SLC14A2: variants seen among roughly 807,000 people sequenced by gnomAD.
SLC14A2 encodes solute carrier family 14 member 2.
SLC14A2 carries 91 observed loss-of-function variants against 104.6 expected under a neutral mutation model. That is an observed-to-expected ratio of 0.87 (90% CI 0.73 to 1.04). The LOEUF (loss-of-function observed/expected upper bound fraction) is 1.04. Among genes scored for constraint, SLC14A2 ranks in the 50% least tolerant of loss-of-function variants. The pLI is 0.00. For missense variants in SLC14A2, 1,189 were observed against 1,156.0 expected (o/e 1.03, Z -0.41); for synonymous variants, 476 against 466.4 (o/e 1.02, Z -0.27).
intron 1 of SLC14A2, among the ~76,000 whole-genome samples, chr18:45,368,556 C>T (rs901207369): frequency 1.3e-5 from 2 of 152,150 alleles, no homozygotes; most frequent in African/African-American, 4.8e-5. Context: ...ATGTCGTTTC[C>T]CTTGTTAAGC....
intron 1 of SLC14A2, among the ~76,000 whole-genome samples, chr18:45,374,138 G>A (rs1379442734): frequency 6.6e-6 from 1 of 152,100 alleles, no homozygotes; most frequent in African/African-American, 2.4e-5. Context: ...ACCTTCACCT[G>A]GCTATTTATA....
chr18:45,329,892 T>C (rs774722655), intron 1 of SLC14A2, among the ~76,000 whole-genome samples: 1 of 152,196 alleles, frequency 6.6e-6, no homozygotes, highest in African/African-American at 2.4e-5. Flanking sequence ...CATCATGGTT[T>C]GTAATATAAT....
chr18:45,223,007 C>T (rs770578206), intron 1 of SLC14A2, among the ~76,000 whole-genome samples: 37 of 152,168 alleles, frequency 2.4e-4, no homozygotes, highest in Non-Finnish European at 4.6e-4. Context: ...TGAGGGCTGC[C>T]ATCTTGACCT....
chr18:45,363,107 A>G (rs1263001322), intron 1 of SLC14A2, among the ~76,000 whole-genome samples: 4 of 151,864 alleles, frequency 2.6e-5, no homozygotes, highest in South Asian at 4.2e-4. Flanking sequence ...TATTTCCCAA[A>G]CCCCATTTCA....
intron 1 of SLC14A2, among the ~76,000 whole-genome samples, chr18:45,300,177 T>C (rs1299799576): frequency 6.6e-6 from 1 of 152,166 alleles, no homozygotes; most frequent in African/African-American, 2.4e-5. Flanking sequence ...CTGTTCTTCA[T>C]CACAGTTATC....
chr18:45,498,518 A>C (rs1420948218), intron 2 of SLC14A2, among the ~76,000 whole-genome samples: 1 of 152,236 alleles, frequency 6.6e-6, no homozygotes, highest in African/African-American at 2.4e-5. Context: ...GTTCTACGGT[A>C]GATGAAATTG....
intron 2 of SLC14A2, among the ~76,000 whole-genome samples, chr18:45,556,879 A>G (rs963818678): frequency 3.3e-5 from 5 of 152,166 alleles, no homozygotes; most frequent in Non-Finnish European, 7.4e-5. Context: ...CCACTCTTAC[A>G]CTGTTATTGC....
intron 2 of SLC14A2, among the ~76,000 whole-genome samples, chr18:45,510,985 G>A (rs944554600): frequency 2.0e-5 from 3 of 152,158 alleles, no homozygotes; most frequent in African/African-American, 7.2e-5. Context: ...GAAAATCCAA[G>A]AGAGTCCTCT....
intron 1 of SLC14A2, among the ~76,000 whole-genome samples, chr18:45,332,222 G>T (rs1008545219): frequency 6.6e-6 from 1 of 152,030 alleles, no homozygotes; most frequent in African/African-American, 2.4e-5. Flanking sequence ...GTATCTGTGG[G>T]TTATACATCT....
chr18:45,491,487 CAGAA>C (rs1476275757), intron 2 of SLC14A2, among the ~76,000 whole-genome samples: 3 of 152,084 alleles, frequency 2.0e-5, no homozygotes, highest in African/African-American at 7.2e-5. Context: ...AATAGGCTCA[CAGAA>C]AGGATAAAAA....
intron 2 of SLC14A2, among the ~76,000 whole-genome samples, chr18:45,575,130 G>C (rs2044401489): frequency 6.6e-6 from 1 of 151,764 alleles, no homozygotes; most frequent in African/African-American, 2.4e-5. Flanking sequence ...GGGCCCTGTG[G>C]GTTTCTTGAC....
At chr18:45,266,651 G>T (rs1160770552) in intron 1 of SLC14A2, among the ~76,000 whole-genome samples, 1 of 152,066 alleles carries the variant, frequency 6.6e-6, no homozygotes, top group Non-Finnish European at 1.5e-5. Context: ...CTACAAACTG[G>T]TGATTATCAG....
At chr18:45,357,713 G>T (rs2085569625) in intron 1 of SLC14A2, among the ~76,000 whole-genome samples, 1 of 152,120 alleles carries the variant, frequency 6.6e-6, no homozygotes, top group Non-Finnish European at 1.5e-5. Flanking sequence ...GGCCTGAGAT[G>T]AGCCATCCCT....
At chr18:45,571,633 A>AGAT (rs2044347005) in intron 2 of SLC14A2, among the ~76,000 whole-genome samples, 1 of 152,366 alleles carries the variant, frequency 6.6e-6, no homozygotes, top group Admixed American at 6.5e-5. Flanking sequence ...AGAAGTCTTA[A>AGAT]GATGGCCTTT....
At chr18:45,350,705 A>T (rs2085494788) in intron 1 of SLC14A2, among the ~76,000 whole-genome samples, 1 of 152,048 alleles carries the variant, frequency 6.6e-6, no homozygotes, top group Non-Finnish European at 1.5e-5. Flanking sequence ...CACTCCCAGC[A>T]CAGTGTTATT....
chr18:45,304,440 C>G (rs1338559868), intron 1 of SLC14A2, among the ~76,000 whole-genome samples: 1 of 152,166 alleles, frequency 6.6e-6, no homozygotes, highest in Non-Finnish European at 1.5e-5. Flanking sequence ...TGTTTCTAAG[C>G]TGTTTTCAAG....
At chr18:45,669,722 G>A (rs753410775) in intron 16 of SLC14A2, among the ~76,000 whole-genome samples, 5 of 152,166 alleles carry the variant, frequency 3.3e-5, no homozygotes, top group African/African-American at 7.2e-5. Context: ...AGGAAACTGC[G>A]GCCACGTTAA....
At chr18:45,579,509 A>C (rs2044459825) in intron 2 of SLC14A2, among the ~76,000 whole-genome samples, 1 of 152,246 alleles carries the variant, frequency 6.6e-6, no homozygotes, top group Admixed American at 6.5e-5. Flanking sequence ...TTATTTTCAA[A>C]TGTTTCAAAA....
At chr18:45,311,113 A>G (rs1189505052) in intron 1 of SLC14A2, among the ~76,000 whole-genome samples, 2 of 152,230 alleles carry the variant, frequency 1.3e-5, no homozygotes, top group Admixed American at 1.3e-4. Flanking sequence ...ACAAGGAAGA[A>G]AAAAGCATTT....
Sources: gnomAD v4.1 joint callset for allele counts (sites outside exome capture counted in the v4.1 genomes callset) on GRCh38, gnomAD v4.1.1 for gene constraint, MANE v1.5 for transcripts, NCBI Gene and HGNC (gene_info 2026-07-23, HGNC 2026-07-21) for gene names.